Variants in GRM7 observed in about 807,000 individuals in gnomAD.
The protein encoded by GRM7 is metabotropic glutamate receptor 7.
In GRM7, 35 loss-of-function variants were observed where a neutral mutation model predicts 84.5. The observed-to-expected ratio is 0.41, with a 90% CI of 0.32 to 0.55. GRM7 has a LOEUF of 0.55. GRM7 is among the 20% of genes least tolerant of loss of function. The pLI, the probability that GRM7 is intolerant of heterozygous loss-of-function variation, is 0.19. For missense variants in GRM7, 1,003 were observed against 1,194.6 expected (o/e 0.84, Z 2.36); for synonymous variants, 487 against 455.1 (o/e 1.07, Z -0.89).
chr3:7,145,636 C>T (rs561172060), intron 1 of GRM7, among the ~76,000 whole-genome samples: 8 of 151,850 alleles, frequency 5.3e-5, no homozygotes, highest in African/African-American at 1.9e-4. Context: ...TTTCAAGGGG[C>T]CTGTGGAGTC....
intron 2 of GRM7, among the ~76,000 whole-genome samples, chr3:7,223,265 C>T (rs906577290): frequency 6.6e-6 from 1 of 152,024 alleles, no homozygotes; most frequent in Admixed American, 6.6e-5. Context: ...TCTTATTATA[C>T]ATCCTATAAT....
intron 1 of GRM7, among the ~76,000 whole-genome samples, chr3:6,904,281 T>C (rs975253256): frequency 1.3e-5 from 2 of 152,322 alleles, no homozygotes; most frequent in African/African-American, 4.8e-5. Context: ...AATTGAATTT[T>C]AGTTTCAGAC....
chr3:6,992,689 T>C (rs1332728041), intron 1 of GRM7, among the ~76,000 whole-genome samples: 1 of 152,156 alleles, frequency 6.6e-6, no homozygotes, highest in Non-Finnish European at 1.5e-5. Context: ...GGAAAAGTGC[T>C]GCCCCACAGG....
intron 8 of GRM7, among the ~76,000 whole-genome samples, chr3:7,604,145 A>G (rs895603638): frequency 6.6e-6 from 1 of 152,104 alleles, no homozygotes; most frequent in African/African-American, 2.4e-5. Context: ...TAAAAAAAAA[A>G]AAAAGCATAA....
intron 1 of GRM7, among the ~76,000 whole-genome samples, chr3:7,039,434 C>A (rs12629070): frequency 0.047 from 7,187 of 152,242 alleles, 378 homozygotes; most frequent in East Asian, 0.23. Flanking sequence ...ATGAAGTGCA[C>A]AGAGGTAAAA....
intron 7 of GRM7, among the ~76,000 whole-genome samples, chr3:7,478,908 T>A (rs1027346786): frequency 2.0e-5 from 3 of 152,170 alleles, no homozygotes; most frequent in African/African-American, 7.2e-5. Context: ...TTGGTCCCTA[T>A]GCAGTGTCCC....
At chr3:7,253,698 G>C (rs1008096982) in intron 2 of GRM7, among the ~76,000 whole-genome samples, 1 of 151,348 alleles carries the variant, frequency 6.6e-6, no homozygotes, top group African/African-American at 2.4e-5. Flanking sequence ...CCACCTTATA[G>C]CTCAGGAAAC....
chr3:7,089,013 C>A (rs968432855), intron 1 of GRM7, among the ~76,000 whole-genome samples: 41 of 152,204 alleles, frequency 2.7e-4, no homozygotes, highest in African/African-American at 9.6e-4. Context: ...CAACCAAAAG[C>A]AAATGTCGAT....
At chr3:7,208,409 T>C (rs1319961631) in intron 2 of GRM7, among the ~76,000 whole-genome samples, 2 of 152,168 alleles carry the variant, frequency 1.3e-5, no homozygotes, top group African/African-American at 2.4e-5. Flanking sequence ...TTCTCCTTGC[T>C]GGTGCGTGAC....
intron 1 of GRM7, among the ~76,000 whole-genome samples, chr3:7,103,806 CTTTCTTTCTT>C (rs750222817): frequency 0.013 from 1,448 of 107,938 alleles, 43 homozygotes; most frequent in Middle Eastern, 0.022. Flanking sequence ...TTCTTTCTTT[CTTTCTTTCTT>C]TCTCTCTCTC....
intron 8 of GRM7, among the ~76,000 whole-genome samples, chr3:7,670,786 T>C (rs1434214609): frequency 1.3e-5 from 2 of 152,202 alleles, no homozygotes; most frequent in East Asian, 3.9e-4. Context: ...ACCCAATATA[T>C]TCCCCAGTGA....
At chr3:6,886,372 C>T (rs1470228944) in intron 1 of GRM7, among the ~76,000 whole-genome samples, 2 of 151,978 alleles carry the variant, frequency 1.3e-5, no homozygotes, top group Non-Finnish European at 2.9e-5. Flanking sequence ...GTAGGGATAG[C>T]GTTAGGAGAA....
chr3:7,511,420 C>T (rs1700206855), intron 7 of GRM7, among the ~76,000 whole-genome samples: 1 of 150,146 alleles, frequency 6.7e-6, no homozygotes, highest in Non-Finnish European at 1.5e-5. Context: ...GAGGCTGCTG[C>T]ACAGTGGTGA....
At chr3:7,181,352 C>G (rs566750494) in intron 2 of GRM7, among the ~76,000 whole-genome samples, 9 of 152,076 alleles carry the variant, frequency 5.9e-5, no homozygotes, top group Non-Finnish European at 1.2e-4. Flanking sequence ...TGTAAGGGTT[C>G]TCTTTTCCTC....
At chr3:7,384,516 T>C (rs990936079) in intron 4 of GRM7, among the ~76,000 whole-genome samples, 2 of 152,108 alleles carry the variant, frequency 1.3e-5, no homozygotes, top group Admixed American at 1.3e-4. Context: ...AAGGTAAAAA[T>C]AAATAGGTGA....
intron 1 of GRM7, among the ~76,000 whole-genome samples, chr3:6,995,408 C>T (rs1280024137): frequency 1.3e-5 from 2 of 152,174 alleles, no homozygotes; most frequent in Non-Finnish European, 2.9e-5. Context: ...TCAGATTCAG[C>T]CCATGAGCCA....
intron 2 of GRM7, among the ~76,000 whole-genome samples, chr3:7,187,650 T>A (rs1454150638): frequency 7.3e-6 from 1 of 137,002 alleles, no homozygotes; most frequent in African/African-American, 2.8e-5. Context: ...GCAATTGCAG[T>A]CATATTTAAA....
At chr3:7,352,578 A>G (rs1693209229) in intron 4 of GRM7, among the ~76,000 whole-genome samples, 1 of 152,110 alleles carries the variant, frequency 6.6e-6, no homozygotes, top group African/African-American at 2.4e-5. Context: ...TTATAAGGAA[A>G]GGTGAACTCT....
At chr3:7,330,544 C>G (rs777248424) in intron 4 of GRM7, among the ~76,000 whole-genome samples, 4 of 152,126 alleles carry the variant, frequency 2.6e-5, no homozygotes, top group Non-Finnish European at 5.9e-5. Flanking sequence ...GGTGGGAGAT[C>G]ATTGAATCAT....
Sources: gnomAD v4.1 joint callset for allele counts (sites outside exome capture counted in the v4.1 genomes callset) on GRCh38, gnomAD v4.1.1 for gene constraint, MANE v1.5 for transcripts, NCBI Gene and HGNC (gene_info 2026-07-23, HGNC 2026-07-21) for gene names.